The following PANK3 variants were observed in gnomAD, a reference collection of about 807,000 sequenced individuals.
The protein encoded by PANK3 is pantothenate kinase 3.
Under a neutral mutation model 39.4 loss-of-function variants are expected in PANK3, and 20 were observed. The observed-to-expected ratio is 0.51, with a 90% confidence interval of 0.36 to 0.74. PANK3 has a LOEUF of 0.74. PANK3 is among the 30% of genes least tolerant of loss of function. PANK3 has a pLI of 0.00. For synonymous variants in PANK3, 140 were observed against 157.3 expected, an observed-to-expected ratio of 0.89 and a Z score of 0.82; for missense variants, 265 against 437.0, an observed-to-expected ratio of 0.61 and a Z score of 3.51.
chr5:168,569,273 C>T (rs1759589055), intron 1 of PANK3, among the ~76,000 whole-genome samples: 1 of 149,064 alleles, frequency 6.7e-6, no homozygotes, highest in Admixed American at 6.7e-5. Context: ...CAAACTCCGC[C>T]TCCCGGGTTC....
intron 2 of PANK3, among the ~76,000 whole-genome samples, chr5:168,566,704 A>G (rs1018464194): frequency 6.6e-6 from 1 of 152,228 alleles, no homozygotes; most frequent in African/African-American, 2.4e-5. Flanking sequence ...ATACAAATAC[A>G]AAAGTATTCG....
Position 168,552,604 on chromosome 5 carries a change from C to T in PANK3, c.*4967G>A, listed in dbSNP as rs116165110. 1.5e-3 allele frequency: 317 copies of T among 217,746 alleles called. 3 individuals carry two copies. The highest frequency in any genetic ancestry group is 2.8e-3 in the Non-Finnish European group (266 of 93,760). The allele number at this position is 217,746 out of a possible 1,614,324, so 13.5% of individuals were successfully genotyped here. The stretch of plus-strand genomic sequence containing the variant: ...TTCCAGGGAACGGAGTCTGGTCCAA[C>T]TTCAGAGAAGGCCACAAAGACCAAG... On this transcript the variant is annotated 3_prime_UTR_variant, in exon 7 of 7. Coordinates refer to ENST00000239231, the MANE Select transcript of PANK3 (RefSeq NM_024594.4).
Position 168,563,877 on chromosome 5 carries a change from T to A in PANK3, c.812+12A>T. On this transcript the variant is annotated intron_variant, in intron 4 of 6. Transcript: ENST00000239231. The stretch of plus-strand genomic sequence containing the variant: ...ACTTCTGTAACTTAAATAACACAAA[T>A]GTTAAACTTACCTAGATGCTACAGC... 1 of 1,570,594 alleles carries A rather than the reference T, an allele frequency of 6.4e-7. No individual in the cohort carries two copies. The highest frequency in any genetic ancestry group is 2.3e-5 in the East Asian group (1 of 43,432).
chr5:168,557,989 T>TG (rs1759378214), intron 6 of PANK3, among the ~76,000 whole-genome samples: 1 of 152,034 alleles, frequency 6.6e-6, no homozygotes, highest in African/African-American at 2.4e-5. Context: ...CACTAAAGCT[T>TG]CCAGGACTGT....
At chr5:168,568,555 G>C in intron 2 of PANK3, 91 bp downstream of exon 2, 1 of 979,474 alleles carries the variant, frequency 1.0e-6, no homozygotes. Flanking sequence ...CACTGCATGT[G>C]CAGGGAGAAT....
rs1391686827 is a variant in PANK3, at chr5:168,558,968, A to C, written c.1062+64T>G. ...CACTAAACTCAAGCCTGAGTGACAGAGCAAGACCCTGTCTCTTAAAAAACA... is the reference window on the plus strand; with the variant it reads ...CACTAAACTCAAGCCTGAGTGACAGCGCAAGACCCTGTCTCTTAAAAAACA... On this transcript the variant is annotated intron_variant, in intron 6 of 6. Transcript: ENST00000239231. 2.7e-6 allele frequency: 4 copies of C among 1,509,070 alleles called. No individual in the cohort carries two copies. The African/African-American group carries it at 4.2e-5, about 16-fold the overall frequency. 93.5% of individuals were successfully genotyped at this position (1,509,070 alleles called of 1,614,324 possible). A position where few individuals can be genotyped will look rare whatever the true frequency, so the allele number is the denominator to read the frequency against.
Position 168,549,116 on chromosome 5 carries a change from G to A in PANK3, c.*8455C>T, listed in dbSNP as rs1309899317. 1 of 152,134 alleles carries A rather than the reference G, an allele frequency of 6.6e-6. No individual in the cohort carries two copies. Among genetic ancestry groups the A allele is most frequent in the Admixed American group, 6.6e-5 (1 of 15,262 alleles). The allele number at this position is 152,134 out of a possible 1,614,324, so 9.4% of individuals were successfully genotyped here. A position where few individuals can be genotyped will look rare whatever the true frequency, so the allele number is the denominator to read the frequency against. ...TTTTTTGCTGTAGTTTAAATAAAAA[G>A]TAAAAGCACACAGTGTATAAAAAAT... On this transcript the variant is annotated 3_prime_UTR_variant, in exon 7 of 7. Transcript: ENST00000239231.
chr5:168,569,027 AAAAAT>A (rs1759582335), intron 1 of PANK3, 29 bp from the exon 2 acceptor site: 8 of 344,798 alleles, frequency 2.3e-5, no homozygotes, highest in Non-Finnish European at 2.9e-5. Flanking sequence ...AAAAAAAAAA[AAAAAT>A]ATATATATAT....
In PANK3 at chr5:168,568,669, T is replaced by G. The variant is rs1293193373; in HGVS notation, c.358A>C (p.Lys120Gln). 5 of 1,609,052 alleles carry G rather than the reference T, an allele frequency of 3.1e-6. No homozygotes were observed. Among genetic ancestry groups the G allele is most frequent in the South Asian group, 1.1e-5 (1 of 90,200 alleles). ...VLCATGGGAYKFEKDFRTIGN... is the reference protein window; with the variant it reads ...VLCATGGGAYQFEKDFRTIGN... ...ACTGTGCGAAAATCTTTTTCAAACT[T>G]GTAAGCACCACCTCCTGTAGCACAT... The change falls in exon 2 of 7, where the codon AAG becomes CAG. Residue 120 changes from lysine to glutamine, a missense_variant. Lys to Gln is a moderately conservative substitution (Grantham distance 53). Around this residue, in one of 3 missense-constraint regions of PANK3, gnomAD observed 154 missense variants for 256.8 expected, o/e 0.60. Coordinates refer to ENST00000239231, the MANE Select transcript of PANK3 (RefSeq NM_024594.4).
rs369073269 is a variant in PANK3 at position 168,559,172 on chromosome 5, C to G, written c.937-15G>C. 4.9e-5 allele frequency: 71 copies of G among 1,446,628 alleles called. No individual in the cohort carries two copies. The highest frequency in any genetic ancestry group is 6.2e-5 in the Non-Finnish European group (66 of 1,067,394). The allele number at this position is 1,446,628 out of a possible 1,614,324, so 89.6% of individuals were successfully genotyped here. The stretch of plus-strand genomic sequence containing the variant: ...CTGTTTATTTTCTAAAAGAAAAGAA[C>G]AAAGAAAAAACTTGTAAAAATAATA... On this transcript the variant is annotated splice_polypyrimidine_tract_variant and intron_variant, in intron 5 of 6. Coordinates refer to ENST00000239231, the MANE Select transcript of PANK3 (RefSeq NM_024594.4).
Position 168,579,367 on chromosome 5 carries a change from G to T in PANK3, c.-84C>A. ...GCGACTCCGGAGGTGGCTGGGCCGC[G>T]CGGCGAGGCCCGGCCGGTTCCTCCC... On this transcript the variant is annotated 5_prime_UTR_variant, in exon 1 of 7. Coordinates refer to ENST00000239231, the MANE Select transcript of PANK3 (RefSeq NM_024594.4). 1 of 1,224,450 alleles carries T rather than the reference G, an allele frequency of 8.2e-7. No individual in the cohort carries two copies. The highest frequency in any genetic ancestry group is 1.1e-6 in the Non-Finnish European group (1 of 938,314). The allele number at this position is 1,224,450 out of a possible 1,614,324, so 75.8% of individuals were successfully genotyped here.
intron 6 of PANK3, among the ~76,000 whole-genome samples, chr5:168,558,119 G>A (rs1057188465): frequency 1.4e-5 from 2 of 142,026 alleles, no homozygotes; most frequent in Admixed American, 1.4e-4. Flanking sequence ...ATTCTGATTT[G>A]TATTGTGTGA....
intron 2 of PANK3, 34 bp from the exon 3 acceptor site, chr5:168,566,300 T>C: frequency 6.4e-7 from 1 of 1,554,570 alleles, no homozygotes; most frequent in Non-Finnish European, 8.7e-7. Context: ...CAAAAAAGGA[T>C]GACATTCAAA....
At chr5:168,563,121 T>C (rs1270632712) in intron 4 of PANK3, among the ~76,000 whole-genome samples, 1 of 152,136 alleles carries the variant, frequency 6.6e-6, no homozygotes, top group Non-Finnish European at 1.5e-5. Flanking sequence ...AATACCACCA[T>C]TAACATATCA....
intron 1 of PANK3, among the ~76,000 whole-genome samples, chr5:168,571,199 T>C (rs1384174485): frequency 1.3e-5 from 2 of 152,222 alleles, no homozygotes; most frequent in Non-Finnish European, 2.9e-5. Flanking sequence ...ATCCTTATAC[T>C]GACACAAAGG....
In PANK3 at chr5:168,568,650, C is replaced by A; in HGVS notation, c.377G>T (p.Arg126Leu). 2 of 1,601,138 alleles carry A rather than the reference C, an allele frequency of 1.2e-6. No individual in the cohort carries two copies. Among genetic ancestry groups the A allele is most frequent in the Non-Finnish European group, 1.7e-6 (2 of 1,172,770 alleles). Residue 126 changes from arginine to leucine, a missense_variant, in exon 2 of 7, where the codon CGC becomes CTC. Physicochemically the swap from Arg to Leu is moderately radical, Grantham distance 102 (BLOSUM62 -2). Around this residue, in one of 3 missense-constraint regions of PANK3, gnomAD observed 154 missense variants for 256.8 expected, o/e 0.60. Transcript: ENST00000239231. Reference sequence around the variant, plus strand: ...TTTTGAGTAAAAGATACCTACTGTGCGAAAATCTTTTTCAAACTTGTAAGC... The same window carrying A: ...TTTTGAGTAAAAGATACCTACTGTGAGAAAATCTTTTTCAAACTTGTAAGC... ...GGAYKFEKDF[R>L]TIGNLHLHKL...
rs1441027360 is a variant in PANK3 at position 168,565,885 on chromosome 5, A to ATATATT, written c.635+127_635+128insAATATA. 1,247 of 194,660 alleles carry ATATATT rather than the reference A, an allele frequency of 6.4e-3. 34 individuals are homozygous for ATATATT. The highest frequency in any genetic ancestry group is 0.032 in the African/African-American group (1,187 of 37,592). 12.1% of individuals were successfully genotyped at this position (194,660 alleles called of 1,614,324 possible). On this transcript the variant is annotated intron_variant, in intron 3 of 6. Coordinates refer to ENST00000239231, the MANE Select transcript of PANK3 (RefSeq NM_024594.4). ...AAAAAAAAAATATATATATATATAT[A>ATATATT]TTTTTTTTTTTTGCTGTTGTGCAAA...
In PANK3 at chr5:168,553,236, G is replaced by A. The variant is rs779762420; in HGVS notation, c.*4335C>T. ...TCTGGATCTCCAGAATACCAACGAC[G>A]TCCAGCTGGTTGAGAGCACTAAAGG... On this transcript the variant is annotated 3_prime_UTR_variant, in exon 7 of 7. Transcript: ENST00000239231. The A allele has an allele frequency of 3.1e-5, 16 of 509,272 alleles. No individual in the cohort carries two copies. The highest frequency in any genetic ancestry group is 3.6e-5 in the Non-Finnish European group (9 of 249,738). 31.5% of individuals were successfully genotyped at this position (509,272 alleles called of 1,614,324 possible). A position where few individuals can be genotyped will look rare whatever the true frequency, so the allele number is the denominator to read the frequency against.
Position 168,551,075 on chromosome 5 carries a change from A to G in PANK3, c.*6496T>C, listed in dbSNP as rs1346408628. ...CACCATTATCGTGAATGGGCTATCC[A>G]AATACTCTTAACAGAAGGAATTCCT... is the stretch of plus-strand genomic sequence containing the variant. On this transcript the variant is annotated 3_prime_UTR_variant, in exon 7 of 7. Transcript: ENST00000239231. The G allele has an allele frequency of 2.0e-5, 3 of 152,188 alleles. No homozygotes were observed. The highest frequency in any genetic ancestry group is 7.2e-5 in the African/African-American group (3 of 41,454). 9.4% of individuals were successfully genotyped at this position (152,188 alleles called of 1,614,324 possible). A position where few individuals can be genotyped will look rare whatever the true frequency, so the allele number is the denominator to read the frequency against.
Sources: allele counts gnomAD v4.1 joint callset (sites outside exome capture counted in the v4.1 genomes callset), GRCh38; gene constraint gnomAD v4.1.1; regional missense constraint gnomAD v4.1.1; transcripts MANE v1.5; gene names NCBI Gene and HGNC (gene_info 2026-07-23, HGNC 2026-07-21).